Variants in GPR107 observed in about 807,000 individuals in gnomAD.
GPR107 encodes protein GPR107.
In GPR107, 31 loss-of-function variants were observed where a neutral mutation model predicts 75.5. That is an observed-to-expected ratio of 0.41 (90% CI 0.31 to 0.55). GPR107 has a LOEUF of 0.55. Ranked by LOEUF, GPR107 falls within the 20% of genes least tolerant of loss-of-function variation. The pLI is 0.26. For missense variants in GPR107, 572 were observed against 665.7 expected (o/e 0.86, Z 1.55); for synonymous variants, 267 against 251.3 (o/e 1.06, Z -0.59).
At chr9:130,074,779 T>G (rs762218130) in intron 1 of GPR107, among the ~76,000 whole-genome samples, 6 of 152,088 alleles carry the variant, frequency 3.9e-5, no homozygotes, top group Non-Finnish European at 8.8e-5. Flanking sequence ...AATTGACTTA[T>G]AGCTTAGCTT....
rs1051096360 is a variant in GPR107 at position 130,112,347 on chromosome 9, G to A, written c.1306+4808G>A. ...CAGCGGTTCTCAAGGGGGTCCTCGG[G>A]ATCAAAACTATTTTCATAATCATAC... On this transcript the variant is annotated intron_variant, in intron 14 of 17. Transcript: ENST00000347136. The surrounding 1 kb of genome is among the most constrained non-coding windows in gnomAD (Gnocchi z 4.0). Among the ~76,000 whole-genome samples the A allele has an allele frequency of 6.6e-6, 1 of 152,210 alleles. No homozygotes were observed. Among genetic ancestry groups the A allele is most frequent in the Non-Finnish European group, 1.5e-5 (1 of 68,048 alleles).
chr9:130,090,971 A>T lies in GPR107; in HGVS notation c.717A>T (p.Thr239=), dbSNP rs372730832. ...AAGAATTGCCAAGTGACAAGTTTAC[A>T]TTCAGCCTTGATGTGAGTACTGTTT... ...LGKELPSDKF[T]FSLDIEITEK... is the part of the protein sequence containing the mutation. Residue 239 remains threonine (T), a synonymous_variant, in exon 8 of 18, where the codon ACA becomes ACT. Coordinates refer to ENST00000347136, the MANE Select transcript of GPR107 (RefSeq NM_020960.5). 7.0e-7 allele frequency: 1 copy of T among 1,433,850 alleles called. No homozygotes were observed. Among genetic ancestry groups the T allele is most frequent in the South Asian group, 1.1e-5 (1 of 87,034 alleles). 88.8% of individuals were successfully genotyped at this position (1,433,850 alleles called of 1,614,324 possible).
chr9:130,058,408 A>G (rs1312367193), intron 1 of GPR107, among the ~76,000 whole-genome samples: 5 of 152,006 alleles, frequency 3.3e-5, no homozygotes, highest in Non-Finnish European at 7.4e-5. Flanking sequence ...TTCTGTCTCT[A>G]TAAACCTACC....
intron 1 of GPR107, among the ~76,000 whole-genome samples, chr9:130,060,038 C>A (rs369939841): frequency 6.6e-6 from 1 of 151,392 alleles, no homozygotes; most frequent in Non-Finnish European, 1.5e-5. Flanking sequence ...CCAGGCCCAG[C>A]GTGATCAGTA....
At chr9:130,125,400 C>CTTTTTTGCT (rs753879359) in intron 15 of GPR107, among the ~76,000 whole-genome samples, 1 of 135,648 alleles carries the variant, frequency 7.4e-6, no homozygotes, top group African/African-American at 2.7e-5. Context: ...TGCTTTTTTG[C>CTTTTTTGCT]TTTTTTTTTT....
At chr9:130,091,526 CT>C (rs375016486) in intron 8 of GPR107, among the ~76,000 whole-genome samples, 18,966 of 123,092 alleles carry the variant, frequency 0.15, 1,299 homozygotes, top group Non-Finnish European at 0.2. Context: ...CTGGTACTCA[CT>C]TTTTTTTTTT....
intron 17 of GPR107, among the ~76,000 whole-genome samples, chr9:130,134,651 A>G (rs569822817): frequency 6.6e-6 from 1 of 152,390 alleles, no homozygotes; most frequent in South Asian, 2.1e-4. Flanking sequence ...CTGAATGTCC[A>G]TTAAGAGTCA....
chr9:130,056,368 T>C (rs968251160), intron 1 of GPR107, among the ~76,000 whole-genome samples: 1 of 151,860 alleles, frequency 6.6e-6, no homozygotes, highest in Admixed American at 6.6e-5. Context: ...GAGAATCGCT[T>C]GGACCCAGGA....
rs1286795503 is a variant in GPR107 at position 130,136,905 on chromosome 9, A to T, written c.*1784A>T. On this transcript the variant is annotated 3_prime_UTR_variant, in exon 18 of 18. Coordinates refer to ENST00000347136, the MANE Select transcript of GPR107 (RefSeq NM_020960.5). The stretch of plus-strand genomic sequence containing the variant: ...CTTCCCATCTTCAGGAGAAAGGTAA[A>T]TGCACCCTAAGTGTTCACTTCTGGA... The T allele has an allele frequency of 6.6e-6, 1 of 152,178 alleles. No homozygotes were observed. The highest frequency in any genetic ancestry group is 1.5e-5 in the Non-Finnish European group (1 of 68,038). The allele number at this position is 152,178 out of a possible 1,614,324, so 9.4% of individuals were successfully genotyped here. A position where few individuals can be genotyped will look rare whatever the true frequency, so the allele number is the denominator to read the frequency against.
intron 1 of GPR107, among the ~76,000 whole-genome samples, chr9:130,061,226 G>A (rs940511361): frequency 2.0e-5 from 3 of 152,172 alleles, no homozygotes; most frequent in Non-Finnish European, 4.4e-5. Flanking sequence ...GTAATGGACA[G>A]CTAGCTTCTA....
rs560573562 is a variant in GPR107, at chr9:130,082,873, A to T, written c.527-692A>T. Among the ~76,000 whole-genome samples the T allele has an allele frequency of 1.3e-3, 202 of 152,154 alleles. 1 individual carries two copies. Among genetic ancestry groups the T allele is most frequent in the Non-Finnish European group, 2.0e-3 (137 of 68,000 alleles). The stretch of plus-strand genomic sequence containing the variant: ...TTCTTGCTGTAGGGAGGAAAGTATC[A>T]TTATGCTAATATTACTTGCTGTTAA... On this transcript the variant is annotated intron_variant, in intron 5 of 17. Transcript: ENST00000347136.
chr9:130,086,471 T>C lies in GPR107; in HGVS notation c.616T>C (p.Phe206Leu), dbSNP rs1830618228. ...SVHNNGGAVS[F>L]QFFFNISTDD... is the part of the protein sequence containing the mutation. Reference sequence around the variant, plus strand: ...TCATAATAATGGTGGGGCAGTGTCATTTCAGGTATGTATGCTCTTTGTGTA... The same window carrying C: ...TCATAATAATGGTGGGGCAGTGTCACTTCAGGTATGTATGCTCTTTGTGTA... The change falls in exon 7 of 18, where the codon TTT (phenylalanine) becomes CTT (leucine). Residue 206 changes from phenylalanine to leucine, a missense_variant. Transcript: ENST00000347136. 3 of 1,532,758 alleles carry C rather than the reference T, an allele frequency of 2.0e-6. No individual in the cohort carries two copies. The highest frequency in any genetic ancestry group is 2.7e-6 in the Non-Finnish European group (3 of 1,105,974). 94.9% of individuals were successfully genotyped at this position (1,532,758 alleles called of 1,614,324 possible).
chr9:130,073,540 G>A (rs1342483154), intron 1 of GPR107, among the ~76,000 whole-genome samples: 1 of 152,098 alleles, frequency 6.6e-6, no homozygotes, highest in African/African-American at 2.4e-5. Flanking sequence ...TTGGTTTGCT[G>A]CAAGCCACTC....
At chr9:130,083,531 T>C in intron 5 of GPR107, 34 bp from the exon 6 acceptor site, 1 of 1,427,808 alleles carries the variant, frequency 7.0e-7, no homozygotes, top group Non-Finnish European at 9.4e-7. Context: ...AGTTGAGTCA[T>C]GCAGCACTCT....
chr9:130,082,567 C>T (rs994428226), intron 5 of GPR107, among the ~76,000 whole-genome samples: 3 of 151,324 alleles, frequency 2.0e-5, no homozygotes, highest in Admixed American at 2.0e-4. Context: ...GCAAGCTCCA[C>T]CTCCCAGGTT....
rs114278142 is a variant in GPR107 at position 130,122,728 on chromosome 9, A to G, written c.1307-2187A>G. ...CTTGGTGAGTTTGTATTGACTGAAT[A>G]AAAAAGAGATGAGGCCAGACGCAGT... On this transcript the variant is annotated intron_variant, in intron 14 of 17. Transcript: ENST00000347136. 8.1e-3 allele frequency among the ~76,000 whole-genome samples: 1,239 copies of G among 152,282 alleles called. 26 individuals carry two copies. Among genetic ancestry groups the G allele is most frequent in the African/African-American group, 0.029 (1,185 of 41,554 alleles).
chr9:130,070,717 T>G (rs1190788117), intron 1 of GPR107, among the ~76,000 whole-genome samples: 1 of 152,186 alleles, frequency 6.6e-6, no homozygotes, highest in Non-Finnish European at 1.5e-5. Context: ...ACAATTTTTT[T>G]TTCTTTTTTT....
At chr9:130,131,469 G>A (rs1453393475) in intron 17 of GPR107, among the ~76,000 whole-genome samples, 1 of 151,952 alleles carries the variant, frequency 6.6e-6, no homozygotes, top group Non-Finnish European at 1.5e-5. Flanking sequence ...CCCTGCCTGT[G>A]ACAACCTCCT....
chr9:130,086,437 C>G lies in GPR107; in HGVS notation c.582C>G (p.Ser194=), dbSNP rs780067742. 1 of 1,539,554 alleles carries G rather than the reference C, an allele frequency of 6.5e-7. No homozygotes were observed. The highest frequency in any genetic ancestry group is 9.0e-7 in the Non-Finnish European group (1 of 1,112,520). The change falls in exon 7 of 18, where the codon TCC becomes TCG. Residue 194 remains serine, a synonymous_variant. Coordinates refer to ENST00000347136, the MANE Select transcript of GPR107 (RefSeq NM_020960.5). ...CTTTTTAGGCCATGGGAGAGAAATC[C>G]TTTTCTGTTCATAATAATGGTGGGG... ...TVDSKAMGEK[S]FSVHNNGGAV... is the part of the protein sequence containing the mutation.
Sources: allele counts gnomAD v4.1 joint callset (sites outside exome capture counted in the v4.1 genomes callset), GRCh38; gene constraint gnomAD v4.1.1; non-coding constraint Gnocchi (gnomAD v3.1); transcripts MANE v1.5; gene names NCBI Gene and HGNC (gene_info 2026-07-23, HGNC 2026-07-21).